DLGAP2: variants seen among roughly 807,000 people sequenced by gnomAD.
The protein encoded by DLGAP2 is disks large-associated protein 2.
A neutral mutation model predicts 100.3 loss-of-function variants in DLGAP2; 26 were observed. That is an observed-to-expected ratio of 0.26 (90% CI 0.19 to 0.36). DLGAP2 has a LOEUF of 0.36. Ranked by LOEUF, DLGAP2 falls within the 10% of genes least tolerant of loss-of-function variation. The pLI, the probability that DLGAP2 is intolerant of heterozygous loss-of-function variation, is 1.00. For missense variants in DLGAP2, 1,858 were observed against 1,453.2 expected, an observed-to-expected ratio of 1.28 and a Z score of -4.53; for synonymous variants, 886 against 630.1, an observed-to-expected ratio of 1.41 and a Z score of -6.08.
At chr8:1,156,526 G>A (rs1372801232) in intron 2 of DLGAP2, among the ~76,000 whole-genome samples, 3 of 151,904 alleles carry the variant, frequency 2.0e-5, no homozygotes, top group East Asian at 1.9e-4. Context: ...GTCTTTAGGA[G>A]TGGCCCCGAC....
intron 3 of DLGAP2, among the ~76,000 whole-genome samples, chr8:1,265,211 TTTTCA>T (rs1221749152): frequency 4.1e-4 from 62 of 152,184 alleles, no homozygotes; most frequent in African/African-American, 1.5e-3. Context: ...ATTAAATAGA[TTTTCA>T]AAAGAAACAG....
chr8:1,183,604 G>T (rs995237580), intron 2 of DLGAP2, among the ~76,000 whole-genome samples: 1 of 152,214 alleles, frequency 6.6e-6, no homozygotes, highest in African/African-American at 2.4e-5. Flanking sequence ...CCACAGAGGC[G>T]GAGGTTTGCG....
chr8:990,015 C>T (rs1211820312), intron 2 of DLGAP2, among the ~76,000 whole-genome samples: 1 of 152,108 alleles, frequency 6.6e-6, no homozygotes, highest in African/African-American at 2.4e-5. Context: ...TCCCAGCCAA[C>T]CTCCTGGACC....
Position 976,137 on chromosome 8 carries a change from C to T in DLGAP2, c.73+68171C>T, listed in dbSNP as rs181111526. ...ATACTTAGGTATAAATCCAAGAAAG[C>T]ATGCATAAGATCTGTATGAAGAAAG... On this transcript the variant is annotated intron_variant, in intron 2 of 14. Coordinates refer to ENST00000637795, the MANE Select transcript of DLGAP2 (RefSeq NM_001346810.2). 3.9e-5 allele frequency among the ~76,000 whole-genome samples: 6 copies of T among 152,228 alleles called. No homozygotes were observed. In the East Asian group the frequency reaches 1.2e-3, roughly 29 times the overall value.
chr8:1,588,554 T>A (rs568320091), intron 6 of DLGAP2, among the ~76,000 whole-genome samples: 1 of 152,020 alleles, frequency 6.6e-6, no homozygotes, highest in Non-Finnish European at 1.5e-5. Flanking sequence ...AAGGACTGAA[T>A]AGATAAATAA....
intron 1 of DLGAP2, among the ~76,000 whole-genome samples, chr8:849,774 T>C (rs1797145935): frequency 6.6e-6 from 1 of 152,204 alleles, no homozygotes; most frequent in African/African-American, 2.4e-5. Flanking sequence ...CAAATCTTTT[T>C]CTCACTTAAA....
intron 3 of DLGAP2, among the ~76,000 whole-genome samples, chr8:1,334,580 C>T (rs994510242): frequency 6.6e-6 from 1 of 152,058 alleles, no homozygotes; most frequent in East Asian, 1.9e-4. Flanking sequence ...GGGCCCTTCC[C>T]CACCTGCCCT....
chr8:956,826 G>A (rs918907004), intron 2 of DLGAP2, among the ~76,000 whole-genome samples: 18 of 152,156 alleles, frequency 1.2e-4, no homozygotes, highest in Non-Finnish European at 2.2e-4. Context: ...CTGTTTAAAT[G>A]GTATTTAAGT....
intron 2 of DLGAP2, among the ~76,000 whole-genome samples, chr8:970,243 A>T (rs1433616653): frequency 6.6e-6 from 1 of 152,246 alleles, no homozygotes; most frequent in Non-Finnish European, 1.5e-5. Flanking sequence ...TGATAGAGTT[A>T]TAAAAATTGA....
chr8:1,668,215 C>T (rs1055159510), intron 8 of DLGAP2, 114 bp from the exon 9 acceptor site: 14 of 950,182 alleles, frequency 1.5e-5, no homozygotes, highest in Middle Eastern at 3.0e-4. Flanking sequence ...TTAGGCTAGA[C>T]GTCCAGGAAC....
At chr8:757,834 C>T (rs766105902) in intron 1 of DLGAP2, among the ~76,000 whole-genome samples, 44 of 152,246 alleles carry the variant, frequency 2.9e-4, no homozygotes, top group Non-Finnish European at 5.0e-4. Flanking sequence ...GACTGAGTCT[C>T]CTCTCGTGTA....
chr8:1,298,423 C>T (rs554642331), intron 3 of DLGAP2, among the ~76,000 whole-genome samples: 1 of 152,278 alleles, frequency 6.6e-6, no homozygotes, highest in South Asian at 2.1e-4. Context: ...AGCCCTGGAT[C>T]ACAGTGTGAC....
intron 2 of DLGAP2, among the ~76,000 whole-genome samples, chr8:1,198,597 G>C (rs531474769): frequency 2.0e-5 from 3 of 152,186 alleles, no homozygotes; most frequent in Non-Finnish European, 2.9e-5. Context: ...TTGCAGATGA[G>C]AGTGTGTGCT....
chr8:1,160,751 C>G (rs1796873538), intron 2 of DLGAP2, among the ~76,000 whole-genome samples: 1 of 152,246 alleles, frequency 6.6e-6, no homozygotes, highest in Non-Finnish European at 1.5e-5. Flanking sequence ...CCGAGCCTGG[C>G]TCCTTCCATG....
intron 6 of DLGAP2, among the ~76,000 whole-genome samples, chr8:1,601,367 G>A (rs1183128463): frequency 2.6e-5 from 4 of 152,210 alleles, no homozygotes; most frequent in Non-Finnish European, 5.9e-5. Flanking sequence ...CCCACTTGAG[G>A]AGGCACTCTG....
chr8:1,440,585 G>C (rs1797801526), intron 3 of DLGAP2, among the ~76,000 whole-genome samples: 1 of 152,214 alleles, frequency 6.6e-6, no homozygotes, highest in Middle Eastern at 3.2e-3. Flanking sequence ...TAAGACTAAA[G>C]GGGGAAAACG....
intron 1 of DLGAP2, among the ~76,000 whole-genome samples, chr8:886,638 C>G (rs577887194): frequency 1.3e-5 from 2 of 152,328 alleles, no homozygotes; most frequent in African/African-American, 4.8e-5. Flanking sequence ...ACCCAGGAGT[C>G]ATTCAGGAGC....
At chr8:1,466,133 G>A (rs746101159) in intron 3 of DLGAP2, among the ~76,000 whole-genome samples, 38 of 152,248 alleles carry the variant, frequency 2.5e-4, no homozygotes, top group African/African-American at 5.8e-4. Context: ...GTGTTGGAGC[G>A]TTTAGGTTGA....
chr8:1,051,215 A>T (rs187952927), intron 2 of DLGAP2, among the ~76,000 whole-genome samples: 29 of 152,114 alleles, frequency 1.9e-4, no homozygotes, highest in African/African-American at 7.0e-4. Flanking sequence ...GCATGAGTTG[A>T]CTTTATCCCA....
Sources: gnomAD v4.1 joint callset for allele counts (sites outside exome capture counted in the v4.1 genomes callset) on GRCh38, gnomAD v4.1.1 for gene constraint, MANE v1.5 for transcripts, NCBI Gene and HGNC (gene_info 2026-07-23, HGNC 2026-07-21) for gene names.